Variants in RIMS1 observed in about 807,000 individuals in gnomAD.
RIMS1 encodes regulating synaptic membrane exocytosis protein 1.
RIMS1 carries 83 observed loss-of-function variants against 214.1 expected under a neutral mutation model. The ratio of observed to expected loss-of-function variants is 0.39; its 90% CI spans 0.32 to 0.47. The LOEUF (loss-of-function observed/expected upper bound fraction) is 0.47. Among genes scored for constraint, RIMS1 ranks in the 20% least tolerant of loss-of-function variants. The pLI, the probability that RIMS1 is intolerant of heterozygous loss-of-function variation, is 0.99. For synonymous variants in RIMS1, 793 were observed against 786.8 expected, an observed-to-expected ratio of 1.01 and a Z score of -0.13; for missense variants, 2,050 against 2,161.8, an observed-to-expected ratio of 0.95 and a Z score of 1.03.
intron 1 of RIMS1, among the ~76,000 whole-genome samples, chr6:71,934,922 G>A (rs969889071): frequency 6.6e-6 from 1 of 152,166 alleles, no homozygotes; most frequent in African/African-American, 2.4e-5. Context: ...ATGTGTGCAT[G>A]TATGTTCACC....
chr6:72,020,069 A>C (rs1043994649), intron 2 of RIMS1, among the ~76,000 whole-genome samples: 1 of 152,192 alleles, frequency 6.6e-6, no homozygotes, highest in Non-Finnish European at 1.5e-5. Context: ...AAGTCACTCA[A>C]CTTCTCAGAG....
At chr6:72,110,936 A>G (rs963300314) in intron 4 of RIMS1, among the ~76,000 whole-genome samples, 7 of 152,210 alleles carry the variant, frequency 4.6e-5, no homozygotes, top group Non-Finnish European at 1.0e-4. Flanking sequence ...AAGATGAATT[A>G]GTGGATATGG....
intron 6 of RIMS1, among the ~76,000 whole-genome samples, chr6:72,223,149 TTTC>T (rs764070962): frequency 1.3e-5 from 2 of 152,212 alleles, no homozygotes; most frequent in African/African-American, 2.4e-5. Context: ...CTGGTGTGTT[TTTC>T]TAGGAATAAA....
At chr6:72,241,063 A>C (rs1368561679) in intron 9 of RIMS1, among the ~76,000 whole-genome samples, 1 of 152,218 alleles carries the variant, frequency 6.6e-6, no homozygotes, top group African/African-American at 2.4e-5. Context: ...AAACCAAAGC[A>C]GCATCATGTA....
At chr6:72,398,673 G>T (rs2098806582) in intron 32 of RIMS1, among the ~76,000 whole-genome samples, 1 of 152,062 alleles carries the variant, frequency 6.6e-6, no homozygotes, top group Non-Finnish European at 1.5e-5. Flanking sequence ...TCATAAAAAG[G>T]TAACAATGAG....
chr6:71,927,596 T>G (rs1047646131), intron 1 of RIMS1, among the ~76,000 whole-genome samples: 3 of 152,070 alleles, frequency 2.0e-5, no homozygotes, highest in African/African-American at 7.2e-5. Flanking sequence ...TTAGGATTAT[T>G]TTTGATTACA....
chr6:72,001,356 G>A (rs949709701), intron 2 of RIMS1, among the ~76,000 whole-genome samples: 1 of 152,110 alleles, frequency 6.6e-6, no homozygotes, highest in Non-Finnish European at 1.5e-5. Context: ...ACGTTACTCA[G>A]ACATTAGATT....
At chr6:71,903,108 C>A (rs1582177325) in intron 1 of RIMS1, among the ~76,000 whole-genome samples, 1 of 152,142 alleles carries the variant, frequency 6.6e-6, no homozygotes, top group East Asian at 1.9e-4. Flanking sequence ...GCCACACTGT[C>A]TTCCACAATG....
intron 2 of RIMS1, among the ~76,000 whole-genome samples, chr6:72,028,631 T>C (rs1817221659): frequency 6.6e-6 from 1 of 152,208 alleles, no homozygotes; most frequent in Non-Finnish European, 1.5e-5. Flanking sequence ...CCAAACTCCC[T>C]GCTAAAAAGA....
chr6:71,964,262 G>T (rs1462229301), intron 1 of RIMS1, among the ~76,000 whole-genome samples: 1 of 152,124 alleles, frequency 6.6e-6, no homozygotes, highest in Admixed American at 6.6e-5. Context: ...GTAGATGGAG[G>T]GATTAGTGAT....
At chr6:71,897,010 C>T (rs1252361574) in intron 1 of RIMS1, among the ~76,000 whole-genome samples, 1 of 152,148 alleles carries the variant, frequency 6.6e-6, no homozygotes, top group Non-Finnish European at 1.5e-5. Flanking sequence ...ACCTGAGTGT[C>T]CTATAGGCAC....
At chr6:72,331,361 T>C (rs1449581275) in intron 28 of RIMS1, among the ~76,000 whole-genome samples, 1 of 151,780 alleles carries the variant, frequency 6.6e-6, no homozygotes, top group African/African-American at 2.4e-5. Context: ...TAGAAAATCA[T>C]CAGAAGAGAA....
intron 24 of RIMS1, among the ~76,000 whole-genome samples, chr6:72,288,283 T>C (rs1254744125): frequency 1.3e-5 from 2 of 152,194 alleles, no homozygotes; most frequent in Non-Finnish European, 2.9e-5. Context: ...CTTCTTAGTG[T>C]GTGAGAATAC....
intron 22 of RIMS1, among the ~76,000 whole-genome samples, chr6:72,266,644 G>T (rs1029171729): frequency 6.6e-6 from 1 of 151,988 alleles, no homozygotes. Context: ...ACATATATAT[G>T]TACACAGACA....
At position 72,333,596 on chromosome 6, in the gene RIMS1, A is replaced by G. The variant is rs2096743609; in HGVS notation, c.4131-4A>G. ...GCATATATGTTTTTACTTTGTAAATATAGTTCATTTACCCCCAAAATGCAA... is the reference window on the plus strand; with the variant it reads ...GCATATATGTTTTTACTTTGTAAATGTAGTTCATTTACCCCCAAAATGCAA... On this transcript the variant is annotated splice_polypyrimidine_tract_variant and splice_region_variant and intron_variant, in intron 28 of 33. Transcript: ENST00000521978. 6.4e-6 allele frequency: 10 copies of G among 1,564,640 alleles called. No homozygotes were observed. Among genetic ancestry groups the G allele is most frequent in the Non-Finnish European group, 8.7e-6 (10 of 1,150,836 alleles).
intron 29 of RIMS1, among the ~76,000 whole-genome samples, chr6:72,355,651 A>G (rs1011578243): frequency 6.6e-6 from 1 of 152,148 alleles, no homozygotes; most frequent in South Asian, 2.1e-4. Context: ...CCAGTTCGAG[A>G]TGTTGGATAT....
intron 22 of RIMS1, among the ~76,000 whole-genome samples, chr6:72,266,979 A>G (rs2080893045): frequency 6.6e-6 from 1 of 152,094 alleles, no homozygotes. Context: ...ATCTGAGTCT[A>G]TTCATTTATT....
At chr6:71,971,125 A>C (rs1339472933) in intron 2 of RIMS1, among the ~76,000 whole-genome samples, 6 of 152,174 alleles carry the variant, frequency 3.9e-5, no homozygotes, top group Non-Finnish European at 5.9e-5. Flanking sequence ...TCAAAATATA[A>C]AATTTAATAA....
chr6:72,194,364 T>A (rs1276464877), intron 6 of RIMS1, among the ~76,000 whole-genome samples: 1 of 152,122 alleles, frequency 6.6e-6, no homozygotes, highest in Non-Finnish European at 1.5e-5. Context: ...ACCTGGCATA[T>A]GGTAACTACT....
Sources: allele counts gnomAD v4.1 joint callset (sites outside exome capture counted in the v4.1 genomes callset), GRCh38; gene constraint gnomAD v4.1.1; transcripts MANE v1.5; gene names NCBI Gene and HGNC (gene_info 2026-07-23, HGNC 2026-07-21).